KLHL29: variants seen among roughly 807,000 people sequenced by gnomAD.
KLHL29 encodes the protein kelch-like protein 29.
Under a neutral mutation model 80.4 loss-of-function variants are expected in KLHL29, and 21 were observed. The observed-to-expected ratio is 0.26, with a 90% confidence interval of 0.19 to 0.38. The LOEUF (loss-of-function observed/expected upper bound fraction) is 0.38, where lower values mean the gene tolerates loss of function less well. KLHL29 is among the 10% of genes least tolerant of loss of function. The pLI is 1.00. For missense variants in KLHL29, 867 were observed against 1,223.9 expected (o/e 0.71, Z 4.35); for synonymous variants, 511 against 526.8 (o/e 0.97, Z 0.41).
At chr2:23,661,339 C>CAAAAA (rs1670400583) in intron 5 of KLHL29, among the ~76,000 whole-genome samples, 1 of 45,540 alleles carries the variant, frequency 2.2e-5, no homozygotes, top group African/African-American at 4.3e-5. Flanking sequence ...AAGACCCTGT[C>CAAAAA]TAAAAAAAAA....
intron 3 of KLHL29, among the ~76,000 whole-genome samples, chr2:23,589,720 C>A (rs1317242332): frequency 2.0e-5 from 3 of 152,198 alleles, no homozygotes; most frequent in Non-Finnish European, 4.4e-5. Context: ...GTTGAGCAAA[C>A]AGTCCAACTC....
At chr2:23,640,334 C>G (rs968621330) in intron 4 of KLHL29, among the ~76,000 whole-genome samples, 1 of 152,198 alleles carries the variant, frequency 6.6e-6, no homozygotes, top group Admixed American at 6.5e-5. Flanking sequence ...CTAGAGACTT[C>G]TCTTTAGGTC....
intron 6 of KLHL29, 133 bp from the exon 7 acceptor site, chr2:23,691,541 T>C (rs1671602792): frequency 4.5e-6 from 3 of 671,706 alleles, no homozygotes; most frequent in African/African-American, 1.8e-5. Context: ...TAGGTTCAGG[T>C]GTGTCATTGC....
intron 3 of KLHL29, among the ~76,000 whole-genome samples, chr2:23,609,838 T>A (rs192624165): frequency 6.6e-6 from 1 of 152,222 alleles, no homozygotes; most frequent in African/African-American, 2.4e-5. Context: ...ATTAAATAGT[T>A]GGTGCAAGAC....
chr2:23,677,850 T>G (rs1670966621), intron 5 of KLHL29, among the ~76,000 whole-genome samples: 1 of 152,218 alleles, frequency 6.6e-6, no homozygotes, highest in Admixed American at 6.5e-5. Flanking sequence ...GCTCTGAGTT[T>G]ATAATTTTTT....
At chr2:23,564,023 C>G (rs964432419) in intron 3 of KLHL29, among the ~76,000 whole-genome samples, 1 of 152,278 alleles carries the variant, frequency 6.6e-6, no homozygotes, top group African/African-American at 2.4e-5. Flanking sequence ...GGCAGGCGCT[C>G]TGCAGGGCCA....
At chr2:23,678,481 C>A (rs1402219501) in intron 5 of KLHL29, among the ~76,000 whole-genome samples, 3 of 152,142 alleles carry the variant, frequency 2.0e-5, no homozygotes, top group Non-Finnish European at 2.9e-5. Flanking sequence ...GCATGAGAGA[C>A]CACGTGGAGC....
chr2:23,488,839 T>C (rs1665007784), intron 2 of KLHL29, among the ~76,000 whole-genome samples: 1 of 152,224 alleles, frequency 6.6e-6, no homozygotes, highest in Non-Finnish European at 1.5e-5. Context: ...CTGGGCATTC[T>C]GGTGACTAAT....
intron 2 of KLHL29, among the ~76,000 whole-genome samples, chr2:23,548,311 ACACACAGACACAAG>A (rs1343132389): frequency 5.3e-5 from 8 of 151,510 alleles, no homozygotes; most frequent in Middle Eastern, 3.4e-3. Flanking sequence ...AGGCACACAC[ACACACAGACACAAG>A]CACACAGACA....
intron 6 of KLHL29, among the ~76,000 whole-genome samples, chr2:23,686,572 G>A (rs550712585): frequency 1.4e-4 from 22 of 152,308 alleles, no homozygotes; most frequent in African/African-American, 5.1e-4. Flanking sequence ...ACCCAAGGAG[G>A]TGAGGTGTCA....
At position 23,472,029 on chromosome 2, in the gene KLHL29, G is replaced by T. The variant is rs182180551; in HGVS notation, c.-153-3531G>T. ...TAGGCCTCCCAGAAAGGACAATAAT[G>T]AGTCAAGGATCGTTTATACACCGCT... On this transcript the variant is annotated intron_variant, in intron 1 of 13. Transcript: ENST00000486442. Among the ~76,000 whole-genome samples, 521 of 151,360 alleles carry T rather than the reference G, an allele frequency of 3.4e-3. 2 individuals are homozygous for T. Among genetic ancestry groups the T allele is most frequent in the Non-Finnish European group, 4.3e-3 (294 of 67,892 alleles).
chr2:23,573,940 C>T (rs1015078113), intron 3 of KLHL29, among the ~76,000 whole-genome samples: 2 of 152,158 alleles, frequency 1.3e-5, no homozygotes, highest in African/African-American at 4.8e-5. Context: ...GAAGGGCAGT[C>T]ACGGCCATCA....
intron 1 of KLHL29, among the ~76,000 whole-genome samples, chr2:23,450,713 TTAATAA>T (rs936165450): frequency 6.6e-6 from 1 of 152,146 alleles, no homozygotes; most frequent in Non-Finnish European, 1.5e-5. Flanking sequence ...TTTAACTAAG[TTAATAA>T]TAATAATAAC....
chr2:23,641,640 C>G (rs1669772131), intron 4 of KLHL29, among the ~76,000 whole-genome samples: 1 of 152,224 alleles, frequency 6.6e-6, no homozygotes, highest in Admixed American at 6.5e-5. Context: ...TCCTGGTAGT[C>G]CCCTGAGGTA....
chr2:23,592,068 G>C (rs1668276449), intron 3 of KLHL29, among the ~76,000 whole-genome samples: 2 of 152,240 alleles, frequency 1.3e-5, no homozygotes, highest in African/African-American at 4.8e-5. Context: ...GTGAATGATG[G>C]GCTTTTCTTG....
intron 1 of KLHL29, among the ~76,000 whole-genome samples, chr2:23,465,993 T>G (rs1664341452): frequency 6.6e-6 from 1 of 151,972 alleles, no homozygotes; most frequent in African/African-American, 2.4e-5. Flanking sequence ...GTGACGGTGT[T>G]CATCTCAGTC....
intron 6 of KLHL29, among the ~76,000 whole-genome samples, chr2:23,687,279 C>T (rs980818848): frequency 5.9e-5 from 9 of 152,162 alleles, no homozygotes; most frequent in Non-Finnish European, 1.0e-4. Context: ...CAGGTGATCC[C>T]TCCCTGCTGT....
chr2:23,402,237 A>G (rs2577746), intron 1 of KLHL29, among the ~76,000 whole-genome samples: 10,108 of 152,234 alleles, frequency 0.066, 627 homozygotes, highest in African/African-American at 0.17. Context: ...TGGAAAATGC[A>G]AACCCTGTGG....
chr2:23,559,795 G>A (rs1275754554), intron 2 of KLHL29, among the ~76,000 whole-genome samples: 1 of 152,050 alleles, frequency 6.6e-6, no homozygotes, highest in Admixed American at 6.6e-5. Context: ...CAGAAAGAGG[G>A]GATGGAGGGA....
Sources: gnomAD v4.1 joint callset for allele counts (sites outside exome capture counted in the v4.1 genomes callset) on GRCh38, gnomAD v4.1.1 for gene constraint, MANE v1.5 for transcripts, NCBI Gene and HGNC (gene_info 2026-07-23, HGNC 2026-07-21) for gene names.